Variants in HERPUD2 observed in about 807,000 individuals in gnomAD.
HERPUD2 encodes HERPUD family member 2.
A neutral mutation model predicts 49.9 loss-of-function variants in HERPUD2; 13 were observed. The observed-to-expected ratio is 0.26, with a 90% CI of 0.17 to 0.41. The LOEUF (loss-of-function observed/expected upper bound fraction) is 0.41, where lower values mean the gene tolerates loss of function less well. Ranked by LOEUF, HERPUD2 falls within the 10% of genes least tolerant of loss-of-function variation. The pLI is 1.00. For missense variants in HERPUD2, 449 were observed against 492.2 expected, an observed-to-expected ratio of 0.91 and a Z score of 0.83; for synonymous variants, 172 against 171.4, an observed-to-expected ratio of 1.00 and a Z score of -0.03.
At chr7:35,654,171 C>T (rs895689376) in intron 5 of HERPUD2, among the ~76,000 whole-genome samples, 2 of 151,428 alleles carry the variant, frequency 1.3e-5, no homozygotes, top group South Asian at 2.1e-4. Flanking sequence ...ACTAGAAAAG[C>T]AAGAACCACC....
chr7:35,659,234 C>G (rs1562675977), intron 5 of HERPUD2, among the ~76,000 whole-genome samples: 1 of 152,144 alleles, frequency 6.6e-6, no homozygotes, highest in Non-Finnish European at 1.5e-5. Flanking sequence ...AAGCCTTCAT[C>G]AGAAAAAATG....
chr7:35,685,084 T>C (rs867296145), intron 2 of HERPUD2, among the ~76,000 whole-genome samples: 4 of 151,846 alleles, frequency 2.6e-5, no homozygotes, highest in African/African-American at 9.7e-5. Flanking sequence ...CTACAAAATA[T>C]ACTAAAGTTA....
rs778355743 is a variant in HERPUD2 at position 35,667,385 on chromosome 7, T to C, written c.494+49A>G. On this transcript the variant is annotated intron_variant, in intron 5 of 8. Transcript: ENST00000311350. ...TATAGTGAAACTCAAAAGCAATTCA[T>C]TTTTAGGGGGCCCCAATCACATTCC... 13 of 1,555,038 alleles carry C rather than the reference T, an allele frequency of 8.4e-6. No homozygotes were observed. The East Asian group carries it at 2.5e-4, about 30-fold the overall frequency.
intron 5 of HERPUD2, among the ~76,000 whole-genome samples, chr7:35,640,626 C>T (rs1037659247): frequency 2.6e-5 from 4 of 152,090 alleles, no homozygotes; most frequent in African/African-American, 9.7e-5. Flanking sequence ...AGAGGACATA[C>T]TATAATTTTC....
At chr7:35,686,003 G>A (rs1189866826) in intron 2 of HERPUD2, among the ~76,000 whole-genome samples, 1 of 149,124 alleles carries the variant, frequency 6.7e-6, no homozygotes, top group African/African-American at 2.4e-5. Context: ...TTAAATATCA[G>A]GAAAATCATG....
intron 5 of HERPUD2, among the ~76,000 whole-genome samples, chr7:35,664,441 C>T (rs1294176925): frequency 1.3e-5 from 2 of 152,130 alleles, no homozygotes; most frequent in South Asian, 2.1e-4. Context: ...TGGCCTGCCT[C>T]ACTAGGTTGG....
intron 5 of HERPUD2, among the ~76,000 whole-genome samples, chr7:35,651,556 C>T (rs1208912477): frequency 6.6e-6 from 1 of 152,104 alleles, no homozygotes; most frequent in African/African-American, 2.4e-5. Context: ...TACCCGAACA[C>T]CACCATAGAC....
intron 5 of HERPUD2, among the ~76,000 whole-genome samples, chr7:35,644,976 T>C (rs1158760092): frequency 2.0e-5 from 3 of 152,172 alleles, no homozygotes; most frequent in South Asian, 2.1e-4. Context: ...AGCTACCATA[T>C]CTGTTACAAA....
intron 5 of HERPUD2, among the ~76,000 whole-genome samples, chr7:35,661,113 C>T (rs1785409653): frequency 6.6e-6 from 1 of 152,172 alleles, no homozygotes; most frequent in Non-Finnish European, 1.5e-5. Flanking sequence ...CCAGTTTCCC[C>T]AGCACCATTT....
At chr7:35,656,456 G>GA (rs1221095189) in intron 5 of HERPUD2, among the ~76,000 whole-genome samples, 1 of 151,506 alleles carries the variant, frequency 6.6e-6, no homozygotes, top group Non-Finnish European at 1.5e-5. Context: ...TACAGAATTA[G>GA]AAAAAAAATC....
At chr7:35,686,572 A>G (rs1583572120) in intron 2 of HERPUD2, among the ~76,000 whole-genome samples, 2 of 141,840 alleles carry the variant, frequency 1.4e-5, no homozygotes, top group Admixed American at 1.4e-4. Flanking sequence ...ACAAAAAATT[A>G]GCCGGGCGTA....
rs117804459 is a variant in HERPUD2, at chr7:35,664,872, G to A, written c.494+2562C>T. Reference sequence around the variant, plus strand: ...TAGCTGGGAGAAGTTTGTTATTACCGATTGTCTGAAGCCGCCTTCTCTCGA... The same window carrying A: ...TAGCTGGGAGAAGTTTGTTATTACCAATTGTCTGAAGCCGCCTTCTCTCGA... On this transcript the variant is annotated intron_variant, in intron 5 of 8. Transcript: ENST00000311350. 9.9e-3 allele frequency among the ~76,000 whole-genome samples: 1,510 copies of A among 152,200 alleles called. 32 individuals are homozygous for A. The South Asian group carries it at 0.11, about 11-fold the overall frequency.
intron 6 of HERPUD2, among the ~76,000 whole-genome samples, chr7:35,637,928 A>G (rs1784897363): frequency 6.6e-6 from 1 of 152,198 alleles, no homozygotes; most frequent in African/African-American, 2.4e-5. Context: ...CAATGCTAGG[A>G]CTGTTCCATG....
chr7:35,664,994 G>A (rs1785506781), intron 5 of HERPUD2, among the ~76,000 whole-genome samples: 1 of 152,146 alleles, frequency 6.6e-6, no homozygotes, highest in Non-Finnish European at 1.5e-5. Flanking sequence ...TCTCAGAGGG[G>A]CACCCAGCCT....
At chr7:35,683,253 C>G (rs1317000490) in intron 2 of HERPUD2, among the ~76,000 whole-genome samples, 1 of 152,092 alleles carries the variant, frequency 6.6e-6, no homozygotes, top group East Asian at 1.9e-4. Context: ...CTAGAGAACA[C>G]AAAAATAAAC....
At chr7:35,637,138 AAAAGAAAGAAAG>A (rs376749984) in intron 6 of HERPUD2, among the ~76,000 whole-genome samples, 3 of 135,694 alleles carry the variant, frequency 2.2e-5, no homozygotes, top group African/African-American at 8.1e-5. Flanking sequence ...GTCTCAAAAA[AAAAGAAAGAAAG>A]AAAGAAAGAA....
At chr7:35,652,198 T>C (rs1476615975) in intron 5 of HERPUD2, among the ~76,000 whole-genome samples, 1 of 152,148 alleles carries the variant, frequency 6.6e-6, no homozygotes, top group African/African-American at 2.4e-5. Context: ...CTAAGGAAAA[T>C]CCACCACGGT....
intron 5 of HERPUD2, among the ~76,000 whole-genome samples, chr7:35,661,835 C>A (rs983521870): frequency 3.9e-5 from 6 of 152,218 alleles, no homozygotes; most frequent in African/African-American, 9.7e-5. Context: ...GACAATTTGA[C>A]TTCCTCATTT....
Position 35,635,177 on chromosome 7 carries a change from C to A in HERPUD2, c.899G>T (p.Ser300Ile). 1 of 1,614,094 alleles carries A rather than the reference C, an allele frequency of 6.2e-7. No homozygotes were observed. Among genetic ancestry groups the A allele is most frequent in the Non-Finnish European group, 8.5e-7 (1 of 1,179,964 alleles). Residue 300 changes from serine to isoleucine, a missense_variant, in exon 7 of 9, where the codon AGT (serine) becomes ATT (isoleucine). Transcript: ENST00000311350. ...LSIVYFYSSFSRFIMVMGAML... is the reference protein window; with the variant it reads ...LSIVYFYSSFIRFIMVMGAML... ...GGCTCCCATTACCATGATAAACCGA[C>A]TAAAAGAAGAATAGAAGTATACAAT...
Sources: allele counts gnomAD v4.1 joint callset (sites outside exome capture counted in the v4.1 genomes callset), GRCh38; gene constraint gnomAD v4.1.1; transcripts MANE v1.5; gene names NCBI Gene and HGNC (gene_info 2026-07-23, HGNC 2026-07-21).